XKR7: variants seen among roughly 807,000 people sequenced by gnomAD.
XKR7 encodes the protein XK related 7.
Under a neutral mutation model 42.2 loss-of-function variants are expected in XKR7, and 11 were observed. The observed-to-expected ratio is 0.26, with a 90% CI of 0.16 to 0.43. The LOEUF is 0.43. Ranked by LOEUF, XKR7 falls within the 20% of genes least tolerant of loss-of-function variation. XKR7 has a pLI of 1.00. For synonymous variants in XKR7, 346 were observed against 366.4 expected, an observed-to-expected ratio of 0.94 and a Z score of 0.64; for missense variants, 710 against 802.2, an observed-to-expected ratio of 0.89 and a Z score of 1.39.
At chr20:31,989,204 G>A (rs1323304291) in intron 1 of XKR7, among the ~76,000 whole-genome samples, 1 of 152,100 alleles carries the variant, frequency 6.6e-6, no homozygotes, top group Non-Finnish European at 1.5e-5. Context: ...GAGGATCTGG[G>A]AAAGGGGTAT....
rs142304387 is a variant in XKR7 at position 31,984,552 on chromosome 20, C to A, written c.585-10516C>A. ...AAGAATCAGTTACTTGGGCTTGGGC[C>A]CATTTTATAGAAGAAGATTGAGGCC... On this transcript the variant is annotated intron_variant, in intron 1 of 2. Coordinates refer to ENST00000562532, the MANE Select transcript of XKR7 (RefSeq NM_001011718.2). 4.2e-4 allele frequency among the ~76,000 whole-genome samples: 64 copies of A among 152,282 alleles called. No homozygotes were observed. In the East Asian group the frequency reaches 0.012, roughly 28 times the overall value.
chr20:31,996,578 G>A lies in XKR7; in HGVS notation c.861G>A (p.Ser287=), dbSNP rs780540300. ...CCTACCAGAAGGTGCTGCGGGACTC[G>A]CGGGACGACAAGCGGCCGCTGTCCT... ...LASYQKVLRD[S]RDDKRPLSYK... is the part of the protein sequence containing the mutation. Residue 287 remains serine, a synonymous_variant, in exon 3 of 3, where the codon TCG becomes TCA. Coordinates refer to ENST00000562532, the MANE Select transcript of XKR7 (RefSeq NM_001011718.2). The A allele has an allele frequency of 3.2e-6, 5 of 1,538,526 alleles. No homozygotes were observed. Among genetic ancestry groups the A allele is most frequent in the East Asian group, 4.5e-5 (2 of 44,304 alleles).
At position 32,001,225 on chromosome 20, in the gene XKR7, C is replaced by G. The variant is rs1218808140; in HGVS notation, c.*3768C>G. On this transcript the variant is annotated 3_prime_UTR_variant, in exon 3 of 3. Transcript: ENST00000562532. ...GGGAGAAGGTTTTCTGGGACGAAGGCTGCATGGGATGCAAACTCAAATGCC... is the reference window on the plus strand; with the variant it reads ...GGGAGAAGGTTTTCTGGGACGAAGGGTGCATGGGATGCAAACTCAAATGCC... 1 of 152,206 alleles carries G rather than the reference C, an allele frequency of 6.6e-6. No homozygotes were observed. Among genetic ancestry groups the G allele is most frequent in the Non-Finnish European group, 1.5e-5 (1 of 68,048 alleles). 9.4% of individuals were successfully genotyped at this position (152,206 alleles called of 1,614,324 possible).
chr20:31,993,844 T>C (rs188017661), intron 1 of XKR7, among the ~76,000 whole-genome samples: 13 of 152,136 alleles, frequency 8.5e-5, no homozygotes, highest in Admixed American at 7.9e-4. Flanking sequence ...ATGGACAAAA[T>C]TGTGTTCAAA....
chr20:31,994,263 T>C (rs2064581529), intron 1 of XKR7, among the ~76,000 whole-genome samples: 1 of 152,118 alleles, frequency 6.6e-6, no homozygotes, highest in Non-Finnish European at 1.5e-5. Flanking sequence ...GAGCAAAACT[T>C]TTTATGGTTT....
rs2064629705 is a variant in XKR7, at chr20:32,002,475, A to G, written c.*5018A>G. 6.6e-6 allele frequency: 1 copy of G among 152,052 alleles called. No individual in the cohort carries two copies. The highest frequency in any genetic ancestry group is 2.4e-5 in the African/African-American group (1 of 41,374). 9.4% of individuals were successfully genotyped at this position (152,052 alleles called of 1,614,324 possible). A position where few individuals can be genotyped will look rare whatever the true frequency, so the allele number is the denominator to read the frequency against. On this transcript the variant is annotated 3_prime_UTR_variant, in exon 3 of 3. Transcript: ENST00000562532. ...AATCTGACCCTTTTCCCTGGTCTCC[A>G]TTGTGCTAAACCACCGAACTTGGAG... is the stretch of plus-strand genomic sequence containing the variant.
rs753586025 is a variant in XKR7, at chr20:31,997,449, A to G, written c.1732A>G (p.Thr578Ala). The G allele has an allele frequency of 2.1e-5, 33 of 1,595,520 alleles. No individual in the cohort carries two copies. The highest frequency in any genetic ancestry group is 2.6e-5 in the Non-Finnish European group (31 of 1,178,022). Residue 578 changes from threonine to alanine, a missense_variant, in exon 3 of 3, where the codon ACA (threonine) becomes GCA (alanine). Thr to Ala is a moderately conservative substitution (Grantham distance 58). Coordinates refer to ENST00000562532, the MANE Select transcript of XKR7 (RefSeq NM_001011718.2). ...TSQELLEYET[T>A]V ...CCAGGAGCTGCTGGAGTATGAGACC[A>G]CAGTGTAGGCTACAGTGTCCCAGCA...
chr20:31,989,990 C>T (rs1311655073), intron 1 of XKR7, among the ~76,000 whole-genome samples: 1 of 152,088 alleles, frequency 6.6e-6, no homozygotes, highest in Admixed American at 6.5e-5. Flanking sequence ...GTGTTCTTCC[C>T]TTGGGTGAAG....
intron 1 of XKR7, among the ~76,000 whole-genome samples, chr20:31,972,970 C>T (rs2064471153): frequency 6.6e-6 from 1 of 152,244 alleles, no homozygotes; most frequent in South Asian, 2.1e-4. Context: ...CAAGTGTCCT[C>T]AGTTTAAATC....
chr20:31,977,217 G>T (rs982339387), intron 1 of XKR7, among the ~76,000 whole-genome samples: 1 of 152,234 alleles, frequency 6.6e-6, no homozygotes, highest in Non-Finnish European at 1.5e-5. Flanking sequence ...CAAGTTCCTT[G>T]TATGCAGTAG....
chr20:32,001,214 T>C lies in XKR7; in HGVS notation c.*3757T>C, dbSNP rs2064623456. On this transcript the variant is annotated 3_prime_UTR_variant, in exon 3 of 3. Transcript: ENST00000562532. ...CTCAGACAATAGGGAGAAGGTTTTC[T>C]GGGACGAAGGCTGCATGGGATGCAA... 1 of 152,230 alleles carries C rather than the reference T, an allele frequency of 6.6e-6. No individual in the cohort carries two copies. Among genetic ancestry groups the C allele is most frequent in the Non-Finnish European group, 1.5e-5 (1 of 68,054 alleles). 9.4% of individuals were successfully genotyped at this position (152,230 alleles called of 1,614,324 possible). A position where few individuals can be genotyped will look rare whatever the true frequency, so the allele number is the denominator to read the frequency against.
chr20:31,989,881 G>A (rs1183499184), intron 1 of XKR7, among the ~76,000 whole-genome samples: 29 of 152,328 alleles, frequency 1.9e-4, no homozygotes, highest in African/African-American at 6.5e-4. Context: ...CCAAAATGTT[G>A]GGATTCCAGG....
rs2064631945 is a variant in XKR7, at chr20:32,002,934, GGCCAGCCCAAGGTCACACA to G, written c.*5480_*5498del. The stretch of plus-strand genomic sequence containing the variant: ...AGGGGCAAGCCCAGAGATGGGAGAT[GGCCAGCCCAAGGTCACACA>G]GCAAGTTGGTGGCAGGGTGAGACCA... On this transcript the variant is annotated 3_prime_UTR_variant, in exon 3 of 3. Coordinates refer to ENST00000562532, the MANE Select transcript of XKR7 (RefSeq NM_001011718.2). 1 of 152,188 alleles carries G rather than the reference GGCCAGCCCAAGGTCACACA, an allele frequency of 6.6e-6. No homozygotes were observed. The highest frequency in any genetic ancestry group is 2.4e-5 in the African/African-American group (1 of 41,418). 9.4% of individuals were successfully genotyped at this position (152,188 alleles called of 1,614,324 possible). A position where few individuals can be genotyped will look rare whatever the true frequency, so the allele number is the denominator to read the frequency against.
chr20:31,992,527 A>G (rs1000093065), intron 1 of XKR7, among the ~76,000 whole-genome samples: 1 of 152,224 alleles, frequency 6.6e-6, no homozygotes, highest in Non-Finnish European at 1.5e-5. Context: ...GGGTATAGAT[A>G]CACCAGGCTG....
intron 1 of XKR7, among the ~76,000 whole-genome samples, chr20:31,975,675 G>A (rs1180538404): frequency 6.8e-6 from 1 of 146,036 alleles, no homozygotes; most frequent in East Asian, 2.2e-4. Flanking sequence ...ATATAGAAAA[G>A]GCATAAAGAG....
At chr20:31,974,631 A>G (rs188026414) in intron 1 of XKR7, among the ~76,000 whole-genome samples, 2 of 151,678 alleles carry the variant, frequency 1.3e-5, no homozygotes, top group East Asian at 1.9e-4. Context: ...ATAATTAGAC[A>G]TTGTTATTTG....
chr20:31,995,258 G>C lies in XKR7; in HGVS notation c.775G>C (p.Asp259His). The change falls in exon 2 of 3, where the codon GAC becomes CAC. Residue 259 changes from aspartate to histidine, a missense_variant. By Grantham distance (81) the Asp-to-His change is moderately conservative (BLOSUM62 -1). Around this residue, in one of 2 missense-constraint regions of XKR7, gnomAD observed 708 missense variants for 786.2 expected, o/e 0.90. Transcript: ENST00000562532. This position sits in a 1 kb window ranked among gnomAD's most constrained non-coding sequence, Gnocchi z 4.1. ...GCTGGTGCACCGCGGTGGCGCGCCC[G>C]ACCTGCTGCCGGGTGAGCCCGCCCC... ...SLLVHRGGAP[D>H]LLPALSTSAS... 6.5e-7 allele frequency: 1 copy of C among 1,537,012 alleles called. No individual in the cohort carries two copies. Among genetic ancestry groups the C allele is most frequent in the Non-Finnish European group, 8.7e-7 (1 of 1,146,016 alleles).
chr20:31,993,091 C>T (rs1379416998), intron 1 of XKR7, among the ~76,000 whole-genome samples: 2 of 131,484 alleles, frequency 1.5e-5, no homozygotes, highest in Non-Finnish European at 3.4e-5. Context: ...TCCCCCTCCA[C>T]ACACACACAC....
intron 1 of XKR7, among the ~76,000 whole-genome samples, chr20:31,986,976 C>G (rs1429022581): frequency 6.7e-6 from 1 of 150,140 alleles, no homozygotes; most frequent in Non-Finnish European, 1.5e-5. Flanking sequence ...AGCAGACAGA[C>G]AGACCGCTAA....
Sources: allele counts gnomAD v4.1 joint callset (sites outside exome capture counted in the v4.1 genomes callset), GRCh38; gene constraint gnomAD v4.1.1; regional missense constraint gnomAD v4.1.1; non-coding constraint Gnocchi (gnomAD v3.1); transcripts MANE v1.5; gene names NCBI Gene and HGNC (gene_info 2026-07-23, HGNC 2026-07-21).